The following STX8 variants were observed in gnomAD, a reference collection of about 807,000 sequenced individuals.
STX8 encodes syntaxin-8.
STX8 carries 23 observed loss-of-function variants against 37.5 expected under a neutral mutation model. The observed-to-expected ratio is 0.61, with a 90% CI of 0.44 to 0.87. The LOEUF is 0.87. STX8 is among the 40% of genes least tolerant of loss of function. The pLI is 0.00. For synonymous variants in STX8, 115 were observed against 99.1 expected, an observed-to-expected ratio of 1.16 and a Z score of -0.95; for missense variants, 313 against 284.7, an observed-to-expected ratio of 1.10 and a Z score of -0.71.
intron 7 of STX8, among the ~76,000 whole-genome samples, chr17:9,360,032 T>C (rs1911011042): frequency 6.6e-6 from 1 of 151,880 alleles, no homozygotes; most frequent in African/African-American, 2.4e-5. Context: ...GGGCCATTTT[T>C]TGAGGTATTG....
At chr17:9,264,979 T>C (rs898214254) in intron 7 of STX8, among the ~76,000 whole-genome samples, 5 of 151,530 alleles carry the variant, frequency 3.3e-5, no homozygotes, top group African/African-American at 1.2e-4. Flanking sequence ...ATTACCTAGG[T>C]GTGATGGCAC....
chr17:9,358,170 A>G (rs572314266), intron 7 of STX8, among the ~76,000 whole-genome samples: 1 of 152,208 alleles, frequency 6.6e-6, no homozygotes, highest in South Asian at 2.1e-4. Flanking sequence ...CTAGGTAAGA[A>G]AGCGAGACTT....
chr17:9,313,574 C>T (rs932536618), intron 7 of STX8, among the ~76,000 whole-genome samples: 3 of 152,216 alleles, frequency 2.0e-5, no homozygotes, highest in Admixed American at 6.5e-5. Context: ...CTGCCATGCC[C>T]ATCACAAGAT....
chr17:9,529,261 GA>G (rs1431728017), intron 4 of STX8, among the ~76,000 whole-genome samples: 2 of 152,056 alleles, frequency 1.3e-5, no homozygotes, highest in African/African-American at 4.8e-5. Flanking sequence ...GAGAGAGAGA[GA>G]GAGAGAGAGA....
chr17:9,544,908 T>C (rs1447398934), intron 4 of STX8, among the ~76,000 whole-genome samples: 1 of 152,080 alleles, frequency 6.6e-6, no homozygotes, highest in African/African-American at 2.4e-5. Flanking sequence ...GGCAGTAGAA[T>C]GGTGGAAACC....
intron 7 of STX8, among the ~76,000 whole-genome samples, chr17:9,362,519 A>G (rs1911091350): frequency 6.6e-6 from 1 of 151,934 alleles, no homozygotes; most frequent in East Asian, 1.9e-4. Flanking sequence ...CTTATCTTCC[A>G]TTAAAAATTC....
At chr17:9,526,249 C>A (rs1905565417) in intron 4 of STX8, among the ~76,000 whole-genome samples, 1 of 152,194 alleles carries the variant, frequency 6.6e-6, no homozygotes, top group Admixed American at 6.5e-5. Flanking sequence ...TCCATTGATT[C>A]ACCATGGGCA....
intron 6 of STX8, among the ~76,000 whole-genome samples, chr17:9,481,178 C>T (rs968632590): frequency 9.2e-5 from 14 of 152,206 alleles, no homozygotes; most frequent in South Asian, 2.1e-4. Flanking sequence ...CCACCGTGCC[C>T]GGCCTCCTAT....
chr17:9,349,360 G>A, intron 7 of STX8, among the ~76,000 whole-genome samples: 1 of 63,364 alleles, frequency 1.6e-5, no homozygotes, highest in East Asian at 4.7e-4. Flanking sequence ...TGCTCTTGTT[G>A]TCCAGGCTAG....
At chr17:9,348,678 G>A (rs1910608543) in intron 7 of STX8, among the ~76,000 whole-genome samples, 1 of 152,158 alleles carries the variant, frequency 6.6e-6, no homozygotes, top group Non-Finnish European at 1.5e-5. Context: ...GAAGCTCAAG[G>A]TCTAGTGAGA....
rs1423481707 is a variant in STX8 at position 9,250,514 on chromosome 17, A to G, written c.*64T>C. Reference sequence around the variant, plus strand: ...TTATTGAGAGCAGGTTTTGCGTACCAAAAGGGTGTTGGGCTTGCATCTGTC... The same window carrying G: ...TTATTGAGAGCAGGTTTTGCGTACCGAAAGGGTGTTGGGCTTGCATCTGTC... On this transcript the variant is annotated 3_prime_UTR_variant, in exon 8 of 8. Coordinates refer to ENST00000306357, the MANE Select transcript of STX8 (RefSeq NM_004853.3). 2 of 1,440,272 alleles carry G rather than the reference A, an allele frequency of 1.4e-6. No homozygotes were observed. Among genetic ancestry groups the G allele is most frequent in the African/African-American group, 2.8e-5 (2 of 71,024 alleles). 89.2% of individuals were successfully genotyped at this position (1,440,272 alleles called of 1,614,324 possible).
At chr17:9,261,548 G>A (rs1007705207) in intron 7 of STX8, among the ~76,000 whole-genome samples, 5 of 152,158 alleles carry the variant, frequency 3.3e-5, no homozygotes, top group African/African-American at 9.7e-5. Flanking sequence ...TAGAGGGAGT[G>A]TGTAAAAACT....
At chr17:9,430,121 A>G (rs1288356289) in intron 6 of STX8, among the ~76,000 whole-genome samples, 1 of 81,856 alleles carries the variant, frequency 1.2e-5, no homozygotes, top group East Asian at 2.4e-4. Context: ...ATATAAATAA[A>G]TATAAATATA....
chr17:9,443,651 C>A (rs537302464), intron 6 of STX8, among the ~76,000 whole-genome samples: 79 of 152,300 alleles, frequency 5.2e-4, no homozygotes, highest in South Asian at 3.7e-3. Context: ...TAATTTCCAA[C>A]CCTCCTTTTC....
intron 7 of STX8, among the ~76,000 whole-genome samples, chr17:9,376,543 A>C (rs1029460338): frequency 6.6e-6 from 1 of 152,246 alleles, no homozygotes; most frequent in Non-Finnish European, 1.5e-5. Flanking sequence ...AGGCCACCTG[A>C]GGCAGCAACC....
intron 6 of STX8, among the ~76,000 whole-genome samples, chr17:9,418,876 A>G (rs1913310113): frequency 6.8e-6 from 1 of 146,280 alleles, no homozygotes; most frequent in Non-Finnish European, 1.5e-5. Flanking sequence ...AACATTTGAG[A>G]ATGAATGCTT....
At chr17:9,283,918 AG>A (rs1338744166) in intron 7 of STX8, among the ~76,000 whole-genome samples, 6 of 152,198 alleles carry the variant, frequency 3.9e-5, no homozygotes, top group African/African-American at 1.4e-4. Context: ...GTACTGGAAA[AG>A]GCTGTTTTAC....
chr17:9,464,576 G>A (rs1905528373), intron 6 of STX8, among the ~76,000 whole-genome samples: 1 of 152,166 alleles, frequency 6.6e-6, no homozygotes, highest in Non-Finnish European at 1.5e-5. Context: ...TCTATGTGCT[G>A]AAAAATCTCA....
intron 7 of STX8, among the ~76,000 whole-genome samples, chr17:9,319,626 A>G (rs1909506041): frequency 6.6e-6 from 1 of 152,134 alleles, no homozygotes; most frequent in Non-Finnish European, 1.5e-5. Flanking sequence ...CCAGGGAAAA[A>G]GGAAGATTCG....
Sources: gnomAD v4.1 joint callset for allele counts (sites outside exome capture counted in the v4.1 genomes callset) on GRCh38, gnomAD v4.1.1 for gene constraint, MANE v1.5 for transcripts, NCBI Gene and HGNC (gene_info 2026-07-23, HGNC 2026-07-21) for gene names.